The following SYT1 variants were observed in gnomAD, a reference collection of about 807,000 sequenced individuals.
SYT1 encodes the protein synaptotagmin 1, also known as synaptotagmin-1.
Under a neutral mutation model 44.8 loss-of-function variants are expected in SYT1, and 8 were observed. The observed-to-expected ratio is 0.18, with a 90% confidence interval of 0.10 to 0.32. The LOEUF (loss-of-function observed/expected upper bound fraction) is 0.32. Among genes scored for constraint, SYT1 ranks in the 10% least tolerant of loss-of-function variants. The pLI, the probability that SYT1 is intolerant of heterozygous loss-of-function variation, is 1.00. For missense variants in SYT1, 286 were observed against 509.3 expected (o/e 0.56, Z 4.22); for synonymous variants, 154 against 188.8 (o/e 0.82, Z 1.51).
At chr12:78,898,735 T>A (rs568211708) in intron 1 of SYT1, among the ~76,000 whole-genome samples, 3 of 152,206 alleles carry the variant, frequency 2.0e-5, no homozygotes, top group African/African-American at 4.8e-5. Flanking sequence ...ATATTTTTGA[T>A]TCTGCAGGCC....
chr12:79,287,134 C>G (rs10778575), intron 5 of SYT1, among the ~76,000 whole-genome samples: 6 of 152,010 alleles, frequency 3.9e-5, no homozygotes, highest in Admixed American at 2.6e-4. Context: ...CTCAAAGACA[C>G]TATAGTATCT....
chr12:79,143,833 G>A (rs1304849124), intron 3 of SYT1, among the ~76,000 whole-genome samples: 1 of 152,176 alleles, frequency 6.6e-6, no homozygotes, highest in Non-Finnish European at 1.5e-5. Context: ...GTGGTTTGCT[G>A]TTGAAAGAAT....
chr12:78,995,551 A>G (rs1023664801), intron 2 of SYT1, among the ~76,000 whole-genome samples: 3 of 152,200 alleles, frequency 2.0e-5, no homozygotes, highest in Non-Finnish European at 2.9e-5. Flanking sequence ...CAGCAGTCTC[A>G]AGAGCTTTCA....
chr12:78,911,932 C>A (rs1484315137), intron 1 of SYT1, among the ~76,000 whole-genome samples: 1 of 151,910 alleles, frequency 6.6e-6, no homozygotes, highest in Non-Finnish European at 1.5e-5. Context: ...GACAATAGTA[C>A]CTAAAAATTT....
intron 4 of SYT1, among the ~76,000 whole-genome samples, chr12:79,232,154 T>C (rs899194685): frequency 6.6e-6 from 1 of 152,224 alleles, no homozygotes; most frequent in African/African-American, 2.4e-5. Flanking sequence ...CTTAAAACAA[T>C]GTCTGGAATA....
At chr12:79,410,840 T>C (rs1032107611) in intron 9 of SYT1, among the ~76,000 whole-genome samples, 2 of 152,162 alleles carry the variant, frequency 1.3e-5, no homozygotes, top group African/African-American at 4.8e-5. Context: ...AAAAAGTCAC[T>C]AATGAGAGAT....
chr12:78,952,196 G>T (rs1879004665), intron 1 of SYT1, among the ~76,000 whole-genome samples: 1 of 152,074 alleles, frequency 6.6e-6, no homozygotes, highest in East Asian at 1.9e-4. Context: ...CTTCAGTTTG[G>T]CATCAGTTTC....
At chr12:79,141,856 C>T (rs1869578182) in intron 3 of SYT1, among the ~76,000 whole-genome samples, 1 of 152,206 alleles carries the variant, frequency 6.6e-6, no homozygotes, top group Admixed American at 6.5e-5. Context: ...GACACCTTGC[C>T]TTCAGATGCA....
At chr12:79,037,950 T>C (rs573641370) in intron 2 of SYT1, among the ~76,000 whole-genome samples, 1 of 151,942 alleles carries the variant, frequency 6.6e-6, no homozygotes, top group East Asian at 1.9e-4. Flanking sequence ...ACAGTATTGA[T>C]AATGAAAATG....
At chr12:78,931,394 AAGGGAGGAGAG>A (rs1565723989) in intron 1 of SYT1, among the ~76,000 whole-genome samples, 21 of 110,368 alleles carry the variant, frequency 1.9e-4, no homozygotes, top group African/African-American at 4.5e-4. Context: ...GGAAGGAAGG[AAGGGAGGAGAG>A]AGGAAGGAAG....
chr12:79,217,557 C>T lies in SYT1; in HGVS notation c.38C>T (p.Pro13Leu), dbSNP rs765050103. 1.2e-5 allele frequency: 20 copies of T among 1,610,324 alleles called. No individual in the cohort carries two copies. Among genetic ancestry groups the T allele is most frequent in the Non-Finnish European group, 1.5e-5 (18 of 1,178,518 alleles). Residue 13 changes from proline to leucine, a missense_variant, in exon 4 of 11, where the codon CCG (proline) becomes CTG (leucine). Pro to Leu is a moderately conservative substitution (Grantham distance 98). This residue lies in a region of SYT1 where 141 missense variants were observed against 165.7 expected (regional missense o/e 0.85). Transcript: ENST00000261205. ...SESHHEALAA[P>L]PVTTVATVLP... ...AGTCACCATGAGGCCCTGGCAGCCC[C>T]GCCTGTCACCACTGTCGCGACTGTT...
At chr12:79,276,205 G>A (rs1878710548) in intron 4 of SYT1, among the ~76,000 whole-genome samples, 1 of 151,810 alleles carries the variant, frequency 6.6e-6, no homozygotes, top group Non-Finnish European at 1.5e-5. Context: ...TCCAGCAAAG[G>A]ATCCAAATCA....
At chr12:79,371,758 A>T (rs1299512891) in intron 9 of SYT1, among the ~76,000 whole-genome samples, 1 of 152,212 alleles carries the variant, frequency 6.6e-6, no homozygotes, top group Admixed American at 6.5e-5. Flanking sequence ...TTCAGAAGTC[A>T]TGCCTCAGAG....
chr12:78,906,566 G>C (rs1455459919), intron 1 of SYT1, among the ~76,000 whole-genome samples: 1 of 152,120 alleles, frequency 6.6e-6, no homozygotes, highest in East Asian at 1.9e-4. Flanking sequence ...TACATGAGTT[G>C]TCTGTGGGCC....
chr12:79,123,949 C>G (rs921496245), intron 3 of SYT1, among the ~76,000 whole-genome samples: 3 of 152,166 alleles, frequency 2.0e-5, no homozygotes, highest in Admixed American at 6.5e-5. Flanking sequence ...ATTTCCCACC[C>G]TGCTTCTGTT....
intron 8 of SYT1, among the ~76,000 whole-genome samples, chr12:79,348,278 T>A (rs950471155): frequency 1.3e-5 from 2 of 152,180 alleles, no homozygotes; most frequent in Admixed American, 6.5e-5. Flanking sequence ...ATGAGGCTAT[T>A]ACAGAGGTCT....
At chr12:79,344,542 T>C (rs527660685) in intron 8 of SYT1, among the ~76,000 whole-genome samples, 26 of 152,248 alleles carry the variant, frequency 1.7e-4, no homozygotes, top group African/African-American at 6.0e-4. Context: ...AACCTCCACC[T>C]CTTGGGCCCA....
At chr12:78,993,434 T>C (rs1870154804) in intron 2 of SYT1, among the ~76,000 whole-genome samples, 1 of 152,220 alleles carries the variant, frequency 6.6e-6, no homozygotes. Context: ...TCCTTGAAGA[T>C]ATAAAGCCTA....
chr12:79,024,785 G>A (rs1872420998), intron 2 of SYT1, among the ~76,000 whole-genome samples: 1 of 151,706 alleles, frequency 6.6e-6, no homozygotes, highest in South Asian at 2.1e-4. Flanking sequence ...TTTTATTTTT[G>A]TGATTAAGGA....
Sources: allele counts gnomAD v4.1 joint callset (sites outside exome capture counted in the v4.1 genomes callset), GRCh38; gene constraint gnomAD v4.1.1; regional missense constraint gnomAD v4.1.1; transcripts MANE v1.5; gene names NCBI Gene and HGNC (gene_info 2026-07-23, HGNC 2026-07-21).